Variants in RBFOX1 observed in about 807,000 individuals in gnomAD.
The protein encoded by RBFOX1 is RNA binding protein fox-1 homolog 1.
A neutral mutation model predicts 57.7 loss-of-function variants in RBFOX1; 8 were observed. The ratio of observed to expected loss-of-function variants is 0.14; its 90% CI spans 0.08 to 0.25. The LOEUF (loss-of-function observed/expected upper bound fraction) is 0.25. Among genes scored for constraint, RBFOX1 ranks in the 10% least tolerant of loss-of-function variants. The pLI, the probability that RBFOX1 is intolerant of heterozygous loss-of-function variation, is 1.00. For synonymous variants in RBFOX1, 326 were observed against 222.4 expected (o/e 1.47, Z -4.15); for missense variants, 611 against 548.5 (o/e 1.11, Z -1.14).
intron 1 of RBFOX1, among the ~76,000 whole-genome samples, chr16:6,123,027 A>G (rs995635011): frequency 6.6e-6 from 1 of 152,198 alleles, no homozygotes; most frequent in African/African-American, 2.4e-5. Context: ...TTTAACACAC[A>G]TGGCTATCAG....
intron 4 of RBFOX1, among the ~76,000 whole-genome samples, chr16:7,138,648 C>G (rs563119044): frequency 1.5e-3 from 235 of 152,258 alleles, no homozygotes; most frequent in Non-Finnish European, 3.0e-3. Context: ...CTGGGGCCTA[C>G]AAAGGTGAAG....
At chr16:7,099,927 G>C (rs1225391006) in intron 4 of RBFOX1, among the ~76,000 whole-genome samples, 1 of 152,086 alleles carries the variant, frequency 6.6e-6, no homozygotes, top group Non-Finnish European at 1.5e-5. Flanking sequence ...CTTAAAGTTT[G>C]TGTTGATGGT....
rs1567632401 is a variant in RBFOX1, at chr16:5,856,587, AT to A, written c.319-10715del. Among the ~76,000 whole-genome samples, 3 of 76,806 alleles carry A rather than the reference AT, an allele frequency of 3.9e-5. 1 individual carries two copies. The highest frequency in any genetic ancestry group is 7.8e-4 in the East Asian group (2 of 2,554). 50.4% of individuals were successfully genotyped at this position (76,806 alleles called of 152,430 possible). On this transcript the variant is annotated intron_variant, in intron 3 of 19. Coordinates refer to the RBFOX1 transcript ENST00000641259. Reference sequence around the variant, plus strand: ...TATGTGTGTGTGTGTATATATATATATATATATATATATATATAATCTTAGC... The same window carrying A: ...TATGTGTGTGTGTGTATATATATATAATATATATATATATATAATCTTAGC...
chr16:6,997,073 A>G (rs937259801), intron 3 of RBFOX1, among the ~76,000 whole-genome samples: 11 of 152,192 alleles, frequency 7.2e-5, no homozygotes, highest in African/African-American at 2.7e-4. Context: ...ATGAAAAATA[A>G]TAAAAGCAGG....
chr16:7,509,430 G>GTT (rs1567582970), intron 4 of RBFOX1, among the ~76,000 whole-genome samples: 99 of 141,664 alleles, frequency 7.0e-4, no homozygotes, highest in African/African-American at 2.5e-3. Flanking sequence ...GTGTGTGTGT[G>GTT]TCTGTGTCTG....
At position 7,149,818 on chromosome 16, in the gene RBFOX1, C is replaced by T. The variant is rs1477103783; in HGVS notation, c.27+97720C>T. ...TAATGTCTAGCCACATTGCTTCCTA[C>T]TGAAGACTCCCCAAAGGCTCCCAGT... is the stretch of plus-strand genomic sequence containing the variant. On this transcript the variant is annotated intron_variant, in intron 4 of 15. Transcript: ENST00000550418. Among the ~76,000 whole-genome samples, 4 of 152,158 alleles carry T rather than the reference C, an allele frequency of 2.6e-5. No individual in the cohort carries two copies. The East Asian group carries it at 7.7e-4, about 29-fold the overall frequency.
chr16:6,334,756 G>C (rs545184750), intron 2 of RBFOX1, among the ~76,000 whole-genome samples: 139 of 152,258 alleles, frequency 9.1e-4, no homozygotes, highest in African/African-American at 3.3e-3. Context: ...CAGCCGGAAA[G>C]TGCTGAGATT....
At position 7,351,794 on chromosome 16, in the gene RBFOX1, C is replaced by T. The variant is rs147464974; in HGVS notation, c.28-166353C>T. On this transcript the variant is annotated intron_variant, in intron 4 of 15. Coordinates refer to ENST00000550418, the MANE Select transcript of RBFOX1 (RefSeq NM_018723.4). ...TGCTTTTCCAGATTTTAGGAGCCAC[C>T]TGTTTCTGGGAGTGCCATGGAAACA... is the stretch of plus-strand genomic sequence containing the variant. 3.8e-4 allele frequency among the ~76,000 whole-genome samples: 58 copies of T among 152,308 alleles called. 1 individual carries two copies. The highest frequency in any genetic ancestry group is 1.1e-3 in the African/African-American group (47 of 41,564).
chr16:7,421,263 T>C (rs74250093), intron 4 of RBFOX1, among the ~76,000 whole-genome samples: 4 of 152,326 alleles, frequency 2.6e-5, no homozygotes, highest in East Asian at 1.9e-4. Flanking sequence ...TATGTTGTAA[T>C]TGAAGCTTAA....
intron 3 of RBFOX1, among the ~76,000 whole-genome samples, chr16:6,730,254 C>T (rs979159335): frequency 2.6e-5 from 4 of 152,086 alleles, no homozygotes; most frequent in African/African-American, 9.7e-5. Flanking sequence ...GATGGTAGAA[C>T]CGTACACCAG....
At chr16:5,454,835 T>TC (rs2068538458) in intron 1 of RBFOX1, among the ~76,000 whole-genome samples, 2 of 139,862 alleles carry the variant, frequency 1.4e-5, no homozygotes, top group African/African-American at 5.6e-5. Context: ...TTCCTTGCTT[T>TC]CTTTCCTTTC....
rs57628026 is a variant in RBFOX1 at position 6,191,877 on chromosome 16, G to T, written c.-126-125118G>T. ...CTAACAGAAACCTCGTGATTTGAAG[G>T]GGGGAGAATCATCTCTGCAATTATG... On this transcript the variant is annotated intron_variant, in intron 1 of 15. Transcript: ENST00000550418. 7.2e-5 allele frequency among the ~76,000 whole-genome samples: 11 copies of T among 152,126 alleles called. No homozygotes were observed. The East Asian group carries it at 1.3e-3, about 19-fold the overall frequency.
chr16:7,700,534 A>T (rs985890853), intron 14 of RBFOX1, among the ~76,000 whole-genome samples: 1 of 152,196 alleles, frequency 6.6e-6, no homozygotes, highest in African/African-American at 2.4e-5. Flanking sequence ...CCTATGGGGT[A>T]AAGTATAGCT....
At chr16:7,237,518 G>C (rs575737664) in intron 4 of RBFOX1, among the ~76,000 whole-genome samples, 6 of 152,314 alleles carry the variant, frequency 3.9e-5, no homozygotes, top group Non-Finnish European at 1.5e-5. Context: ...AAGCACAATA[G>C]AATGAGAAAA....
chr16:6,218,483 G>T (rs940296706), intron 1 of RBFOX1, among the ~76,000 whole-genome samples: 7 of 151,872 alleles, frequency 4.6e-5, no homozygotes, highest in African/African-American at 1.7e-4. Flanking sequence ...TAATTTTTGT[G>T]TATTTTAGTA....
At chr16:6,106,722 C>A (rs2096384705) in intron 1 of RBFOX1, among the ~76,000 whole-genome samples, 1 of 152,068 alleles carries the variant, frequency 6.6e-6, no homozygotes, top group South Asian at 2.1e-4. Context: ...GGGTGGAGTG[C>A]AGTGGCCTGA....
chr16:6,885,685 C>A (rs186452477), intron 3 of RBFOX1, among the ~76,000 whole-genome samples: 1 of 152,168 alleles, frequency 6.6e-6, no homozygotes, highest in African/African-American at 2.4e-5. Flanking sequence ...GCCCCTGCCA[C>A]CACACTCAGC....
intron 2 of RBFOX1, among the ~76,000 whole-genome samples, chr16:6,431,502 G>C (rs2094083612): frequency 6.6e-6 from 1 of 152,048 alleles, no homozygotes; most frequent in Admixed American, 6.5e-5. Context: ...CTGAGTAAAT[G>C]TCTGCTCAGT....
At chr16:7,016,414 T>C (rs1010442113) in intron 3 of RBFOX1, among the ~76,000 whole-genome samples, 3 of 152,172 alleles carry the variant, frequency 2.0e-5, no homozygotes, top group African/African-American at 4.8e-5. Flanking sequence ...TGAACTTAAA[T>C]TCTGCAGACT....
Sources: allele counts gnomAD v4.1 joint callset (sites outside exome capture counted in the v4.1 genomes callset), GRCh38; gene constraint gnomAD v4.1.1; transcripts MANE v1.5; gene names NCBI Gene and HGNC (gene_info 2026-07-23, HGNC 2026-07-21).